Variants in PCDH15 observed in about 807,000 individuals in gnomAD.
The protein encoded by PCDH15 is protocadherin related 15.
Under a neutral mutation model 178.5 loss-of-function variants are expected in PCDH15, and 129 were observed. That is an observed-to-expected ratio of 0.72 (90% CI 0.63 to 0.84). PCDH15 has a LOEUF of 0.84. PCDH15 is among the 40% of genes least tolerant of loss of function. The pLI, the probability that PCDH15 is intolerant of heterozygous loss-of-function variation, is 0.00. For missense variants in PCDH15, 2,230 were observed against 2,099.9 expected (o/e 1.06, Z -1.21); for synonymous variants, 800 against 732.0 (o/e 1.09, Z -1.50).
intron 2 of PCDH15, among the ~76,000 whole-genome samples, chr10:55,449,530 C>A (rs977943416): frequency 2.0e-5 from 3 of 151,564 alleles, no homozygotes; most frequent in Admixed American, 2.0e-4. Context: ...AAGATATATG[C>A]AAAATAACAG....
chr10:54,671,371 C>T (rs972376724), intron 1 of PCDH15, among the ~76,000 whole-genome samples: 1 of 151,780 alleles, frequency 6.6e-6, no homozygotes, highest in African/African-American at 2.4e-5. Context: ...AAAAAAAATC[C>T]AAAAGTATTA....
intron 1 of PCDH15, among the ~76,000 whole-genome samples, chr10:55,297,487 G>A (rs1439019293): frequency 1.3e-5 from 2 of 151,932 alleles, no homozygotes; most frequent in Admixed American, 1.3e-4. Context: ...TTTGAAAACT[G>A]CAGAGGTAGG....
chr10:54,652,759 T>G (rs944296288), intron 2 of PCDH15, among the ~76,000 whole-genome samples: 1 of 152,104 alleles, frequency 6.6e-6, no homozygotes, highest in Non-Finnish European at 1.5e-5. Flanking sequence ...CCAGCTCAAC[T>G]AGTACCTTGA....
chr10:54,478,737 T>TGG (rs2078463966), intron 3 of PCDH15, among the ~76,000 whole-genome samples: 1 of 152,066 alleles, frequency 6.6e-6, no homozygotes, highest in African/African-American at 2.4e-5. Flanking sequence ...TTGTCATTGG[T>TGG]GGCCTCATTT....
At chr10:55,365,897 C>T (rs544124480) in intron 2 of PCDH15, among the ~76,000 whole-genome samples, 1 of 152,046 alleles carries the variant, frequency 6.6e-6, no homozygotes, top group East Asian at 1.9e-4. Flanking sequence ...AGATACTTCC[C>T]ATTGTATCCT....
At chr10:54,937,184 G>A (rs1225903000) in intron 2 of PCDH15, among the ~76,000 whole-genome samples, 1 of 151,712 alleles carries the variant, frequency 6.6e-6, no homozygotes. Context: ...TCTATCCTAT[G>A]TCAAGATCAT....
chr10:55,622,174 T>A (rs1462583738), intron 2 of PCDH15, among the ~76,000 whole-genome samples: 5 of 117,830 alleles, frequency 4.2e-5, no homozygotes, highest in African/African-American at 6.4e-5. Flanking sequence ...TTATATATAT[T>A]ATATATATAT....
intron 2 of PCDH15, among the ~76,000 whole-genome samples, chr10:54,563,090 T>C (rs925500431): frequency 6.6e-6 from 1 of 152,186 alleles, no homozygotes; most frequent in African/African-American, 2.4e-5. Context: ...TCAAAACTTA[T>C]AAATGATAAA....
At chr10:54,538,539 CTA>C (rs1213849186) in intron 2 of PCDH15, among the ~76,000 whole-genome samples, 1 of 152,092 alleles carries the variant, frequency 6.6e-6, no homozygotes, top group Non-Finnish European at 1.5e-5. Flanking sequence ...TGAAAAAAAG[CTA>C]TGTTGTTTTT....
intron 3 of PCDH15, among the ~76,000 whole-genome samples, chr10:54,472,116 T>A (rs2136705843): frequency 6.6e-6 from 1 of 152,272 alleles, no homozygotes; most frequent in Non-Finnish European, 1.5e-5. Flanking sequence ...CTTATATTTA[T>A]GTTACAAAAA....
At chr10:55,244,594 AAC>A (rs1592016369) in intron 1 of PCDH15, among the ~76,000 whole-genome samples, 1 of 151,372 alleles carries the variant, frequency 6.6e-6, no homozygotes, top group East Asian at 1.9e-4. Flanking sequence ...CACACACACA[AAC>A]ACACTGAATT....
At chr10:53,845,424 G>C (rs766639998) in intron 28 of PCDH15, among the ~76,000 whole-genome samples, 1 of 151,774 alleles carries the variant, frequency 6.6e-6, no homozygotes, top group Non-Finnish European at 1.5e-5. Context: ...TTATCTGCAT[G>C]CCTATGTTTA....
intron 21 of PCDH15, among the ~76,000 whole-genome samples, chr10:53,979,889 T>C (rs1405013745): frequency 2.0e-5 from 3 of 152,196 alleles, no homozygotes; most frequent in East Asian, 3.9e-4. Context: ...TTGTGTTATA[T>C]GTACAGTCTA....
chr10:53,878,215 AATATATATAT>A lies in PCDH15; in HGVS notation c.3502-11368_3502-11359del, dbSNP rs140273411. On this transcript the variant is annotated intron_variant, in intron 26 of 37. Transcript: ENST00000644397. ...CACACACACACACACACACACTTTG[AATATATATAT>A]ATATATATATATATATATTCTACAT... Among the ~76,000 whole-genome samples, 623 of 127,428 alleles carry A rather than the reference AATATATATAT, an allele frequency of 4.9e-3. 6 individuals are homozygous for A. The highest frequency in any genetic ancestry group is 0.014 in the African/African-American group (433 of 31,498). 83.6% of individuals were successfully genotyped at this position (127,428 alleles called of 152,430 possible).
intron 2 of PCDH15, among the ~76,000 whole-genome samples, chr10:55,097,680 G>A (rs1307322490): frequency 6.6e-6 from 1 of 151,980 alleles, no homozygotes; most frequent in Non-Finnish European, 1.5e-5. Context: ...GAGGTAAGAA[G>A]TCACCAGATA....
At chr10:55,351,903 T>C (rs1006784715) in intron 2 of PCDH15, among the ~76,000 whole-genome samples, 1 of 152,172 alleles carries the variant, frequency 6.6e-6, no homozygotes, top group South Asian at 2.1e-4. Flanking sequence ...CCTATTATTT[T>C]ACAAATACTG....
At chr10:54,609,824 T>C (rs940989133) in intron 2 of PCDH15, among the ~76,000 whole-genome samples, 3 of 152,048 alleles carry the variant, frequency 2.0e-5, no homozygotes, top group Admixed American at 1.3e-4. Flanking sequence ...ATTCTATTTT[T>C]TTCCCTAGAG....
At chr10:54,929,247 T>G (rs1398213604) in intron 2 of PCDH15, among the ~76,000 whole-genome samples, 2 of 152,242 alleles carry the variant, frequency 1.3e-5, no homozygotes, top group Middle Eastern at 3.4e-3. Context: ...GGGACTTGTA[T>G]TGGGCCCCAA....
chr10:54,634,701 T>C (rs1241504355), intron 2 of PCDH15, among the ~76,000 whole-genome samples: 3 of 152,066 alleles, frequency 2.0e-5, no homozygotes, highest in Admixed American at 2.0e-4. Flanking sequence ...CTTTTAAAGA[T>C]GCTTGCGCGT....
Sources: gnomAD v4.1 joint callset for allele counts (sites outside exome capture counted in the v4.1 genomes callset) on GRCh38, gnomAD v4.1.1 for gene constraint, MANE v1.5 for transcripts, NCBI Gene and HGNC (gene_info 2026-07-23, HGNC 2026-07-21) for gene names.